GPR176: variants seen among roughly 807,000 people sequenced by gnomAD.
GPR176 encodes the protein G protein-coupled receptor 176.
A neutral mutation model predicts 35.4 loss-of-function variants in GPR176; 26 were observed. That is an observed-to-expected ratio of 0.74 (90% confidence interval 0.54 to 1.02). The LOEUF (loss-of-function observed/expected upper bound fraction) is 1.02, where lower values mean the gene tolerates loss of function less well. GPR176 is among the 50% of genes least tolerant of loss of function. GPR176 has a pLI of 0.00. For synonymous variants in GPR176, 278 were observed against 271.3 expected (o/e 1.02, Z -0.24); for missense variants, 597 against 665.3 (o/e 0.90, Z 1.13).
chr15:39,833,631 C>T (rs1566944978), intron 1 of GPR176, among the ~76,000 whole-genome samples: 1 of 152,124 alleles, frequency 6.6e-6, no homozygotes, highest in Admixed American at 6.5e-5. Context: ...AATCATACAA[C>T]AAACAGCAGT....
chr15:39,909,456 T>G (rs1241747437), intron 1 of GPR176, among the ~76,000 whole-genome samples: 2 of 152,228 alleles, frequency 1.3e-5, no homozygotes, highest in Non-Finnish European at 2.9e-5. Context: ...TAATACTTTG[T>G]AATAAATTTC....
intron 1 of GPR176, among the ~76,000 whole-genome samples, chr15:39,914,139 C>CT (rs1225298119): frequency 6.6e-6 from 1 of 152,104 alleles, no homozygotes; most frequent in Non-Finnish European, 1.5e-5. Context: ...CTCAATAAAG[C>CT]TTTTTTTAAA....
At chr15:39,837,628 A>G (rs1382556812) in intron 1 of GPR176, among the ~76,000 whole-genome samples, 1 of 152,078 alleles carries the variant, frequency 6.6e-6, no homozygotes, top group African/African-American at 2.4e-5. Flanking sequence ...TAGTGGTAAC[A>G]GTAGTAGTAG....
chr15:39,801,065 A>G lies in GPR176; in HGVS notation c.*67T>C, dbSNP rs1470080922. 1 of 1,358,092 alleles carries G rather than the reference A, an allele frequency of 7.4e-7. No individual in the cohort carries two copies. The highest frequency in any genetic ancestry group is 1.0e-6 in the Non-Finnish European group (1 of 984,344). The allele number at this position is 1,358,092 out of a possible 1,614,324, so 84.1% of individuals were successfully genotyped here. On this transcript the variant is annotated 3_prime_UTR_variant, in exon 3 of 3. Transcript: ENST00000561100. ...AAGGAGATCATACAATCACATGGCC[A>G]CAGCATTCCCACACTCTGGTGGGAA...
intron 1 of GPR176, among the ~76,000 whole-genome samples, chr15:39,906,453 C>T (rs180870467): frequency 6.6e-6 from 1 of 152,314 alleles, no homozygotes; most frequent in East Asian, 1.9e-4. Flanking sequence ...CACTGCCTCT[C>T]GGCCACTCTT....
At position 39,801,477 on chromosome 15, in the gene GPR176, CT is replaced by C; in HGVS notation, c.1202del (p.Gln401ArgfsTer25). On this transcript the variant is annotated frameshift_variant, in exon 3 of 3. Coordinates refer to ENST00000561100, the MANE Select transcript of GPR176 (RefSeq NM_007223.3). LOFTEE classifies it high-confidence loss of function. ...GGCAGGTGCTAAATATCTCCTTGGC[CT>C]GGAAGTCAGCTGAGCCAATGTACTT... is the stretch of plus-strand genomic sequence containing the variant. ...EAKYIGSADFQAKEIFSTCLE... is the reference protein window; with the variant it reads ...EAKYIGSADFXAKEIFSTCLE... 2 of 1,614,168 alleles carry C rather than the reference CT, an allele frequency of 1.2e-6. No individual in the cohort carries two copies. Among genetic ancestry groups the C allele is most frequent in the Non-Finnish European group, 1.7e-6 (2 of 1,180,008 alleles).
chr15:39,916,725 A>C (rs2033735442), intron 1 of GPR176, among the ~76,000 whole-genome samples: 1 of 152,238 alleles, frequency 6.6e-6, no homozygotes, highest in Admixed American at 6.5e-5. Context: ...TAAGTTACTT[A>C]ATCAGTTATT....
chr15:39,829,251 G>C, intron 1 of GPR176: 1 of 1,466,958 alleles, frequency 6.8e-7, no homozygotes, highest in Non-Finnish European at 9.0e-7. Context: ...CGCTGGAAAA[G>C]CCACTTGGAC....
chr15:39,912,639 G>C (rs1340409157), intron 1 of GPR176, among the ~76,000 whole-genome samples: 6 of 148,956 alleles, frequency 4.0e-5, no homozygotes, highest in Non-Finnish European at 7.4e-5. Context: ...AAAACGAAAA[G>C]AAAAGGAAAA....
intron 2 of GPR176, among the ~76,000 whole-genome samples, chr15:39,805,084 A>G (rs1364682810): frequency 1.3e-5 from 2 of 152,266 alleles, no homozygotes; most frequent in Admixed American, 6.5e-5. Context: ...GGTGAATTTT[A>G]TAATATGTAA....
At chr15:39,831,552 C>G (rs1901077816) in intron 1 of GPR176, among the ~76,000 whole-genome samples, 1 of 151,820 alleles carries the variant, frequency 6.6e-6, no homozygotes, top group South Asian at 2.1e-4. Flanking sequence ...TAAAATGTAC[C>G]TCCTTCCACT....
intron 1 of GPR176, among the ~76,000 whole-genome samples, chr15:39,889,525 C>T: frequency 6.9e-6 from 1 of 145,502 alleles, no homozygotes; most frequent in Non-Finnish European, 1.5e-5. Flanking sequence ...CCAGCCTGGG[C>T]AATAACAGCA....
chr15:39,819,030 G>A (rs1214254803), intron 1 of GPR176, among the ~76,000 whole-genome samples: 1 of 152,210 alleles, frequency 6.6e-6, no homozygotes. Flanking sequence ...CTGTGACAGT[G>A]TTGAAACCCT....
intron 1 of GPR176, among the ~76,000 whole-genome samples, chr15:39,870,140 C>T (rs1423085206): frequency 6.6e-6 from 1 of 152,146 alleles, no homozygotes; most frequent in Non-Finnish European, 1.5e-5. Context: ...CAACTTCCTG[C>T]CCCCATTGTC....
At chr15:39,881,075 C>T (rs1042873466) in intron 1 of GPR176, among the ~76,000 whole-genome samples, 2 of 152,130 alleles carry the variant, frequency 1.3e-5, no homozygotes, top group Admixed American at 1.3e-4. Flanking sequence ...TCTGCCCACC[C>T]CTCCAGCCTC....
chr15:39,843,036 C>T (rs1054694294), intron 1 of GPR176, among the ~76,000 whole-genome samples: 1 of 151,408 alleles, frequency 6.6e-6, no homozygotes, highest in African/African-American at 2.4e-5. Context: ...GCACTGGATT[C>T]ACACTATTAA....
At position 39,865,634 on chromosome 15, in the gene GPR176, A is replaced by G. The variant is rs545311620; in HGVS notation, c.172+54221T>C. Among the ~76,000 whole-genome samples the G allele has an allele frequency of 6.6e-4, 101 of 152,286 alleles. 1 individual carries two copies. The South Asian group carries it at 6.8e-3, about 10-fold the overall frequency. On this transcript the variant is annotated intron_variant, in intron 1 of 2. Coordinates refer to ENST00000561100, the MANE Select transcript of GPR176 (RefSeq NM_007223.3). Reference sequence around the variant, plus strand: ...TTATTTGGATTATGGATACCCTAAAAGACCTGACTTCACCACTATGTGATC... The same window carrying G: ...TTATTTGGATTATGGATACCCTAAAGGACCTGACTTCACCACTATGTGATC...
At position 39,807,654 on chromosome 15, in the gene GPR176, C is replaced by T. The variant is rs1247683032; in HGVS notation, c.173-396G>A. The T allele has an allele frequency of 8.1e-6, 6 of 743,822 alleles. No homozygotes were observed. The African/African-American group carries it at 8.7e-5, about 11-fold the overall frequency. The allele number at this position is 743,822 out of a possible 1,614,324, so 46.1% of individuals were successfully genotyped here. A position where few individuals can be genotyped will look rare whatever the true frequency, so the allele number is the denominator to read the frequency against. The stretch of plus-strand genomic sequence containing the variant: ...CAACAGAAATACAGTGCAAACCGCA[C>T]ATGTCATCTTAAATTTATGGTAGCC... On this transcript the variant is annotated intron_variant, in intron 1 of 2. Coordinates refer to ENST00000561100, the MANE Select transcript of GPR176 (RefSeq NM_007223.3).
intron 1 of GPR176, among the ~76,000 whole-genome samples, chr15:39,912,866 A>G (rs1448626538): frequency 6.6e-6 from 1 of 152,214 alleles, no homozygotes; most frequent in East Asian, 1.9e-4. Context: ...AAACAAAAGT[A>G]TATTCATTAC....
Sources: allele counts gnomAD v4.1 joint callset (sites outside exome capture counted in the v4.1 genomes callset), GRCh38; gene constraint gnomAD v4.1.1; transcripts MANE v1.5; gene names NCBI Gene and HGNC (gene_info 2026-07-23, HGNC 2026-07-21).